The following SASH3 variants were observed in gnomAD, a reference collection of about 807,000 sequenced individuals.
The protein encoded by SASH3 is SAM and SH3 domain-containing protein 3.
In SASH3, 7 loss-of-function variants were observed where a neutral mutation model predicts 26.1. The observed-to-expected ratio is 0.27, with a 90% CI of 0.15 to 0.50. SASH3 has a LOEUF of 0.50. Among genes scored for constraint, SASH3 ranks in the 20% least tolerant of loss-of-function variants. SASH3 has a pLI of 0.98. For missense variants in SASH3, 231 were observed against 318.3 expected (o/e 0.73, Z 2.09); for synonymous variants, 138 against 136.8 (o/e 1.01, Z -0.06).
chrX:129,791,351 C>T (rs983371688), intron 4 of SASH3, among the ~76,000 whole-genome samples: 5 of 111,835 alleles, frequency 4.5e-5, no homozygotes, highest in Non-Finnish European at 3.8e-5. Context: ...TCAGATGTAC[C>T]GTAGAGGAAC....
intron 1 of SASH3, among the ~76,000 whole-genome samples, chrX:129,784,502 G>A (rs1927072601): frequency 9.0e-6 from 1 of 111,454 alleles, no homozygotes; most frequent in Admixed American, 9.5e-5. Context: ...TGCCGTGTCA[G>A]ACAATGTTCC....
chrX:129,794,680 C>T lies in SASH3; in HGVS notation c.*848C>T, dbSNP rs1927302370. On this transcript the variant is annotated 3_prime_UTR_variant, in exon 8 of 8. Coordinates refer to ENST00000356892, the MANE Select transcript of SASH3 (RefSeq NM_018990.4). ...AACTTCCCCCAGCTTAACACAATGC[C>T]CATACCTCATACGATATGCGCCCTC... 2.7e-5 allele frequency: 3 copies of T among 111,288 alleles called. No homozygotes were observed. Among genetic ancestry groups the T allele is most frequent in the Admixed American group, 1.9e-4 (2 of 10,446 alleles). 9.2% of individuals were successfully genotyped at this position (111,288 alleles called of 1,213,427 possible).
chrX:129,784,452 G>A (rs1307340221), intron 1 of SASH3, among the ~76,000 whole-genome samples: 2 of 111,486 alleles, frequency 1.8e-5, no homozygotes, highest in East Asian at 5.6e-4. Flanking sequence ...GAGGTGGGGT[G>A]TAGGAAAGAG....
Sources: gnomAD v4.1 joint callset for allele counts (sites outside exome capture counted in the v4.1 genomes callset) on GRCh38, gnomAD v4.1.1 for gene constraint, MANE v1.5 for transcripts, NCBI Gene and HGNC (gene_info 2026-07-23, HGNC 2026-07-21) for gene names.